The following RBFOX2 variants were observed in gnomAD, a reference collection of about 807,000 sequenced individuals.
The protein encoded by RBFOX2 is RNA binding fox-1 homolog 2, also known as RNA binding protein fox-1 homolog 2.
RBFOX2 carries 10 observed loss-of-function variants against 49.1 expected under a neutral mutation model. The observed-to-expected ratio is 0.20, with a 90% confidence interval of 0.13 to 0.35. The LOEUF is 0.35. Among genes scored for constraint, RBFOX2 ranks in the 10% least tolerant of loss-of-function variants. The pLI, the probability that RBFOX2 is intolerant of heterozygous loss-of-function variation, is 1.00. For synonymous variants in RBFOX2, 183 were observed against 187.4 expected, an observed-to-expected ratio of 0.98 and a Z score of 0.19; for missense variants, 323 against 486.9, an observed-to-expected ratio of 0.66 and a Z score of 3.17.
At chr22:35,753,940 G>A (rs1422162815) in intron 9 of RBFOX2, among the ~76,000 whole-genome samples, 2 of 151,754 alleles carry the variant, frequency 1.3e-5, no homozygotes, top group East Asian at 1.9e-4. Flanking sequence ...GTGCCACCAC[G>A]CCTGGCTAAT....
exon 1 of RBFOX2, chr22:36,028,503 T>C: frequency 1.9e-6 from 2 of 1,059,510 alleles, no homozygotes; most frequent in Non-Finnish European, 2.3e-6. Flanking sequence ...GCCCCGACTG[T>C]CGCGACAGGC....
intron 1 of RBFOX2, among the ~76,000 whole-genome samples, chr22:35,933,747 A>ATTT (rs1431222181): frequency 1.1e-4 from 17 of 151,964 alleles, no homozygotes; most frequent in African/African-American, 3.4e-4. Context: ...CCCAAGTCTA[A>ATTT]TAAAGGGACG....
At chr22:35,747,299 T>C (rs1412950588) in intron 9 of RBFOX2, 1 of 152,262 alleles carries the variant, frequency 6.6e-6, no homozygotes, top group African/African-American at 2.4e-5. Context: ...TACAAATTTC[T>C]GAGGATTCTT....
intron 1 of RBFOX2, among the ~76,000 whole-genome samples, chr22:35,893,180 T>C (rs1412420953): frequency 6.6e-6 from 1 of 152,222 alleles, no homozygotes; most frequent in Non-Finnish European, 1.5e-5. Flanking sequence ...AGGGTGCACA[T>C]GATCAAAGTG....
At chr22:35,982,522 T>C (rs768905558) in intron 1 of RBFOX2, among the ~76,000 whole-genome samples, 11 of 152,072 alleles carry the variant, frequency 7.2e-5, no homozygotes, top group African/African-American at 2.7e-4. Flanking sequence ...ACAGCCAGCA[T>C]GGTACAGGGC....
At position 35,759,872 on chromosome 22, in the gene RBFOX2, G is replaced by A. The variant is rs1313370376; in HGVS notation, c.887+16C>T. 6 of 1,612,374 alleles carry A rather than the reference G, an allele frequency of 3.7e-6. No homozygotes were observed. In the Admixed American group the frequency reaches 8.3e-5, roughly 22 times the overall value. ...CTTATTTTAGAAACATACTGATTTT[G>A]GAATCTAACGCTTACCCTGGATAGG... On this transcript the variant is annotated intron_variant, in intron 9 of 11. Transcript: ENST00000405409. This position sits in a 1 kb window ranked among gnomAD's most constrained non-coding sequence, Gnocchi z 4.6.
intron 1 of RBFOX2, among the ~76,000 whole-genome samples, chr22:35,914,353 T>TA (rs1378505784): frequency 6.6e-6 from 1 of 152,232 alleles, no homozygotes; most frequent in Non-Finnish European, 1.5e-5. Flanking sequence ...AGGCTAGCGA[T>TA]AAAACGCCAC....
At chr22:35,750,735 C>G (rs1934592907) in intron 9 of RBFOX2, among the ~76,000 whole-genome samples, 1 of 152,236 alleles carries the variant, frequency 6.6e-6, no homozygotes, top group Non-Finnish European at 1.5e-5. Context: ...ATAATTCAGT[C>G]CTGACCCACA....
At chr22:35,889,264 G>T (rs1016959729) in intron 1 of RBFOX2, among the ~76,000 whole-genome samples, 1 of 151,984 alleles carries the variant, frequency 6.6e-6, no homozygotes, top group Admixed American at 6.6e-5. Flanking sequence ...TATGAGACCC[G>T]CTCGGGGCAT....
exon 1 of RBFOX2, chr22:35,840,475 C>T (rs944989421): frequency 2.9e-6 from 4 of 1,400,524 alleles, no homozygotes; most frequent in Non-Finnish European, 3.7e-6. Flanking sequence ...GAAGCCCCAC[C>T]CCTGAATGCC....
intron 1 of RBFOX2, among the ~76,000 whole-genome samples, chr22:35,873,636 T>TCAAC (rs1446366508): frequency 6.6e-6 from 1 of 152,154 alleles, no homozygotes; most frequent in Non-Finnish European, 1.5e-5. Flanking sequence ...AACTCTGTAG[T>TCAAC]TTGTTGTTGA....
chr22:35,870,399 G>A (rs1426404155), intron 1 of RBFOX2, among the ~76,000 whole-genome samples: 2 of 152,158 alleles, frequency 1.3e-5, no homozygotes, highest in Non-Finnish European at 2.9e-5. Context: ...TTGAACCCAG[G>A]AGGTGGAGGC....
chr22:35,798,104 T>C (rs557201061), intron 2 of RBFOX2, among the ~76,000 whole-genome samples: 54 of 152,292 alleles, frequency 3.5e-4, no homozygotes, highest in African/African-American at 1.2e-3. Flanking sequence ...GCCTCCCAAG[T>C]AGCTGGGATT....
intron 1 of RBFOX2, among the ~76,000 whole-genome samples, chr22:35,890,513 T>C (rs189607456): frequency 3.7e-4 from 56 of 152,324 alleles, no homozygotes; most frequent in Non-Finnish European, 6.6e-4. Flanking sequence ...TGAAGTGTGA[T>C]TGACCTTGGG....
At chr22:35,961,909 C>T (rs1289090141), upstream of RBFOX2, among the ~76,000 whole-genome samples, 1 of 152,178 alleles carries the variant, frequency 6.6e-6, no homozygotes, top group Non-Finnish European at 1.5e-5. Flanking sequence ...TTCACCTCCT[C>T]CTCTCTGGTC....
intron 1 of RBFOX2, among the ~76,000 whole-genome samples, chr22:35,985,255 G>A (rs538015079): frequency 6.6e-5 from 10 of 152,174 alleles, no homozygotes; most frequent in Admixed American, 1.3e-4. Context: ...AGAAATAATC[G>A]TAATCAACTA....
intron 1 of RBFOX2, among the ~76,000 whole-genome samples, chr22:35,899,747 A>T (rs573437116): frequency 6.6e-6 from 1 of 152,348 alleles, no homozygotes; most frequent in East Asian, 1.9e-4. Context: ...AAAGAATCAC[A>T]GTCTTATACA....
chr22:35,794,793 C>A (rs1016119916), intron 2 of RBFOX2, among the ~76,000 whole-genome samples: 1 of 152,114 alleles, frequency 6.6e-6, no homozygotes, highest in African/African-American at 2.4e-5. Flanking sequence ...ATCCTTACTA[C>A]TTCATCATCC....
intron 6 of RBFOX2, among the ~76,000 whole-genome samples, chr22:35,764,230 CTTGAT>C (rs1222588160): frequency 6.6e-6 from 1 of 152,018 alleles, no homozygotes; most frequent in Non-Finnish European, 1.5e-5. Context: ...TACATTTCTC[CTTGAT>C]TTAAGACATT....
Sources: allele counts gnomAD v4.1 joint callset (sites outside exome capture counted in the v4.1 genomes callset), GRCh38; gene constraint gnomAD v4.1.1; non-coding constraint Gnocchi (gnomAD v3.1); transcripts MANE v1.5; gene names NCBI Gene and HGNC (gene_info 2026-07-23, HGNC 2026-07-21).